The following PCDHGA7 variants were observed in gnomAD, a reference collection of about 807,000 sequenced individuals.
The protein encoded by PCDHGA7 is protocadherin gamma-A7.
A neutral mutation model predicts 58.3 loss-of-function variants in PCDHGA7; 44 were observed. That is an observed-to-expected ratio of 0.75 (90% CI 0.59 to 0.97). PCDHGA7 has a LOEUF of 0.97. Among genes scored for constraint, PCDHGA7 ranks in the 50% least tolerant of loss-of-function variants. PCDHGA7 has a pLI of 0.00. For synonymous variants in PCDHGA7, 516 were observed against 504.2 expected, an observed-to-expected ratio of 1.02 and a Z score of -0.31; for missense variants, 1,266 against 1,188.7, an observed-to-expected ratio of 1.06 and a Z score of -0.96.
intron 1 of PCDHGA7, chr5:141,400,151 C>T: frequency 6.2e-7 from 1 of 1,614,086 alleles, no homozygotes; most frequent in Non-Finnish European, 8.5e-7. Context: ...ACTGACCGCC[C>T]TGTACCCTCT....
intron 1 of PCDHGA7, among the ~76,000 whole-genome samples, chr5:141,438,119 A>G (rs2097930168): frequency 6.6e-6 from 1 of 152,220 alleles, no homozygotes; most frequent in Non-Finnish European, 1.5e-5. Flanking sequence ...ATGCATTCCT[A>G]AAATATTAAT....
intron 2 of PCDHGA7, among the ~76,000 whole-genome samples, chr5:141,498,004 G>C (rs1385457484): frequency 6.6e-6 from 1 of 152,316 alleles, no homozygotes; most frequent in African/African-American, 2.4e-5. Flanking sequence ...GGAGTTTACA[G>C]TGCACTGAAG....
Position 141,512,040 on chromosome 5 carries a change from A to G in PCDHGA7, c.*867A>G, listed in dbSNP as rs775766584. 1.3e-5 allele frequency: 2 copies of G among 152,838 alleles called. No homozygotes were observed. The highest frequency in any genetic ancestry group is 2.9e-5 in the Non-Finnish European group (2 of 68,198). 9.5% of individuals were successfully genotyped at this position (152,838 alleles called of 1,614,324 possible). A position where few individuals can be genotyped will look rare whatever the true frequency, so the allele number is the denominator to read the frequency against. ...ATCAAGGCCTTGGAGGAGGCTCTGT[A>G]TGTCCTCAGGGGACTGACAACATCC... On this transcript the variant is annotated 3_prime_UTR_variant, in exon 4 of 4. Coordinates refer to ENST00000518325, the MANE Select transcript of PCDHGA7 (RefSeq NM_018920.4).
chr5:141,471,047 T>C (rs1270779800), intron 1 of PCDHGA7, among the ~76,000 whole-genome samples: 3 of 63,666 alleles, frequency 4.7e-5, no homozygotes. Flanking sequence ...CCAAGCCCTC[T>C]TTTTTTTTTT....
intron 1 of PCDHGA7, among the ~76,000 whole-genome samples, chr5:141,401,288 G>A (rs973425272): frequency 1.3e-5 from 2 of 152,094 alleles, no homozygotes; most frequent in Non-Finnish European, 2.9e-5. Flanking sequence ...GTTGCGGTGA[G>A]CCGAGATCAC....
Position 141,487,870 on chromosome 5 carries a change from C to A in PCDHGA7, c.2425-6937C>A. On this transcript the variant is annotated intron_variant, in intron 1 of 3. Transcript: ENST00000518325. This position sits in a 1 kb window ranked among gnomAD's most constrained non-coding sequence, Gnocchi z 5.0. ...AATGAAAGTAATTGGTGATCAAGAGCCAGGCTGTTGTGGAAGCATGATGAT... is the reference window on the plus strand; with the variant it reads ...AATGAAAGTAATTGGTGATCAAGAGACAGGCTGTTGTGGAAGCATGATGAT... 3.5e-6 allele frequency: 3 copies of A among 865,052 alleles called. No individual in the cohort carries two copies. The highest frequency in any genetic ancestry group is 5.3e-6 in the Non-Finnish European group (3 of 568,628). The allele number at this position is 865,052 out of a possible 1,614,324, so 53.6% of individuals were successfully genotyped here.
Position 141,485,804 on chromosome 5 carries a change from G to A in PCDHGA7, c.2425-9003G>A. 6.2e-7 allele frequency: 1 copy of A among 1,614,218 alleles called. No individual in the cohort carries two copies. On this transcript the variant is annotated intron_variant, in intron 1 of 3. Coordinates refer to ENST00000518325, the MANE Select transcript of PCDHGA7 (RefSeq NM_018920.4). This position sits in a 1 kb window ranked among gnomAD's most constrained non-coding sequence, Gnocchi z 5.7. The stretch of plus-strand genomic sequence containing the variant: ...AGAGAAGCAATCGGACTACCGCCTG[G>A]TGCTGACTGCTGTCGATGGAGGGAA...
In PCDHGA7 at chr5:141,485,053, G is replaced by A. The variant is rs555996081; in HGVS notation, c.2425-9754G>A. On this transcript the variant is annotated intron_variant, in intron 1 of 3. Coordinates refer to ENST00000518325, the MANE Select transcript of PCDHGA7 (RefSeq NM_018920.4). The surrounding 1 kb of genome is among the most constrained non-coding windows in gnomAD (Gnocchi z 5.7). ...GCGCGTAACCCTTGCGGCGCCGGCC[G>A]AACCGCGCCAGAGCTGGCGCGGGGA... 6.9e-5 allele frequency: 57 copies of A among 820,742 alleles called. 2 individuals carry two copies. In the South Asian group the frequency reaches 9.3e-4, roughly 13 times the overall value. 50.8% of individuals were successfully genotyped at this position (820,742 alleles called of 1,614,324 possible).
intron 1 of PCDHGA7, among the ~76,000 whole-genome samples, chr5:141,436,328 A>G (rs146180035): frequency 6.6e-6 from 1 of 152,326 alleles, no homozygotes; most frequent in East Asian, 1.9e-4. Flanking sequence ...CTGTTAGACC[A>G]TATCTCAAAT....
At chr5:141,420,370 T>A in intron 1 of PCDHGA7, 1 of 1,352,032 alleles carries the variant, frequency 7.4e-7, no homozygotes, top group South Asian at 1.8e-5. Flanking sequence ...GATAACTTCT[T>A]CATAGAGTTC....
intron 1 of PCDHGA7, among the ~76,000 whole-genome samples, chr5:141,444,225 G>A (rs1307884592): frequency 8.0e-6 from 1 of 125,604 alleles, no homozygotes; most frequent in African/African-American, 3.1e-5. Context: ...AGGCTGGAGT[G>A]CAATGGCATG....
chr5:141,510,994 G>A lies in PCDHGA7; in HGVS notation c.2620G>A (p.Gly874Arg). ...CCTGGGAGGGGGTGCCGGCACCATG[G>A]GATTGAGCGCCCGCTACGGACCCCA... ...STLGGGAGTM[G>R]LSARYGPQFT... The change falls in exon 4 of 4, where the codon GGA becomes AGA. Residue 874 changes from glycine to arginine, a missense_variant. Physicochemically the swap from Gly to Arg is moderately radical, Grantham distance 125 (BLOSUM62 -2). Transcript: ENST00000518325. 1 of 1,614,168 alleles carries A rather than the reference G, an allele frequency of 6.2e-7. No homozygotes were observed. Among genetic ancestry groups the A allele is most frequent in the Non-Finnish European group, 8.5e-7 (1 of 1,180,022 alleles).
Position 141,389,991 on chromosome 5 carries a change from G to C in PCDHGA7, c.2424+4668G>C, listed in dbSNP as rs561094692. The C allele has an allele frequency of 4.3e-6, 7 of 1,613,898 alleles. No homozygotes were observed. The Admixed American group carries it at 5.0e-5, about 12-fold the overall frequency. ...GGCCTTGATCTCAGTGCTCTTCCTC[G>C]TGGCCATGATTCTGGCCATTGCCTT... On this transcript the variant is annotated intron_variant, in intron 1 of 3. Transcript: ENST00000518325.
At chr5:141,416,210 A>G (rs1264276644) in intron 1 of PCDHGA7, 2 of 152,420 alleles carry the variant, frequency 1.3e-5, no homozygotes, top group African/African-American at 4.8e-5. Flanking sequence ...TATTTATAAC[A>G]ATGTATGCTT....
intron 1 of PCDHGA7, chr5:141,389,435 C>T (rs1403223210): frequency 8.1e-6 from 13 of 1,610,504 alleles, no homozygotes. Flanking sequence ...CGCAGCGCGC[C>T]TTCGACCACG....
intron 1 of PCDHGA7, chr5:141,413,899 A>G: frequency 1.2e-6 from 2 of 1,613,286 alleles, no homozygotes; most frequent in Non-Finnish European, 1.7e-6. Context: ...TGCAAATGAC[A>G]ACGCGCCGGT....
intron 1 of PCDHGA7, among the ~76,000 whole-genome samples, chr5:141,457,698 G>C (rs1008393847): frequency 7.9e-5 from 12 of 152,234 alleles, no homozygotes; most frequent in Admixed American, 5.2e-4. Flanking sequence ...GATTGGCTTT[G>C]ATGAAACACT....
At chr5:141,409,241 A>G in intron 1 of PCDHGA7, 1 of 1,614,038 alleles carries the variant, frequency 6.2e-7, no homozygotes. Context: ...CAGCCCAGAA[A>G]TAATCATCAC....
chr5:141,398,888 A>G (rs2093720509), intron 1 of PCDHGA7: 2 of 1,613,968 alleles, frequency 1.2e-6, no homozygotes, highest in East Asian at 4.5e-5. Context: ...CTTCGGGAAA[A>G]CGTGCCACCA....
Sources: gnomAD v4.1 joint callset for allele counts (sites outside exome capture counted in the v4.1 genomes callset) on GRCh38, gnomAD v4.1.1 for gene constraint, Gnocchi (gnomAD v3.1) non-coding constraint, MANE v1.5 for transcripts, NCBI Gene and HGNC (gene_info 2026-07-23, HGNC 2026-07-21) for gene names.